Variants in ZAN observed in about 807,000 individuals in gnomAD.
ZAN encodes the protein zonadhesin.
In ZAN, 260 loss-of-function variants were observed where a neutral mutation model predicts 286.2. That is an observed-to-expected ratio of 0.91 (90% CI 0.82 to 1.01). The LOEUF is 1.01. Among genes scored for constraint, ZAN ranks in the 50% least tolerant of loss-of-function variants. The pLI is 0.00. For missense variants in ZAN, 3,410 were observed against 3,639.2 expected (o/e 0.94, Z 1.62); for synonymous variants, 1,368 against 1,417.5 (o/e 0.97, Z 0.79).
At chr7:100,758,459 T>G (rs1584579513) in intron 16 of ZAN, 72 bp from the exon 17 acceptor site, 1 of 1,553,650 alleles carries the variant, frequency 6.4e-7, no homozygotes, top group Non-Finnish European at 8.7e-7. Flanking sequence ...GGGCAGCGGG[T>G]GGGCCAGCAT....
chr7:100,749,778 C>T (rs1161328761), intron 11 of ZAN, among the ~76,000 whole-genome samples: 1 of 148,672 alleles, frequency 6.7e-6, no homozygotes. Context: ...GGGTGGGGTG[C>T]AGTGGCTCAC....
intron 40 of ZAN, 91 bp from the exon 41 acceptor site, chr7:100,791,875 C>T: frequency 2.1e-6 from 3 of 1,435,064 alleles, no homozygotes; most frequent in Non-Finnish European, 2.8e-6. Context: ...CTCCAGGCAG[C>T]CACCACCATG....
At chr7:100,774,798 A>T (rs1260260813) in intron 31 of ZAN, among the ~76,000 whole-genome samples, 4 of 151,630 alleles carry the variant, frequency 2.6e-5, no homozygotes, top group Non-Finnish European at 2.9e-5. Flanking sequence ...ATTGCATTCC[A>T]GCCTGGGTGA....
intron 11 of ZAN, among the ~76,000 whole-genome samples, chr7:100,750,352 G>A (rs1279107744): frequency 6.6e-6 from 1 of 152,040 alleles, no homozygotes; most frequent in Admixed American, 6.5e-5. Flanking sequence ...GGCCAGGATG[G>A]CCTTGATCTC....
At position 100,784,617 on chromosome 7, in the gene ZAN, C is replaced by T; in HGVS notation, c.6623-6C>T. ...TCCACTGACCCACTGTCTCCTTCAC[C>T]CACAGCTCTGGAATGCCCTGCCTAC... On this transcript the variant is annotated splice_polypyrimidine_tract_variant and splice_region_variant and intron_variant, in intron 35 of 47. Coordinates refer to ENST00000613979, the MANE Select transcript of ZAN (RefSeq NM_003386.3). 1 of 1,613,344 alleles carries T rather than the reference C, an allele frequency of 6.2e-7. No individual in the cohort carries two copies.
intron 19 of ZAN, among the ~76,000 whole-genome samples, chr7:100,761,173 G>C (rs1809547801): frequency 6.6e-6 from 1 of 152,074 alleles, no homozygotes; most frequent in Admixed American, 6.6e-5. Context: ...GAATTACAGG[G>C]GAGCCACTGT....
intron 24 of ZAN, 107 bp from the exon 25 acceptor site, chr7:100,766,903 G>A (rs1458820711): frequency 6.5e-7 from 1 of 1,539,876 alleles, no homozygotes; most frequent in African/African-American, 1.4e-5. Context: ...ATCTGTGGGT[G>A]GGCCGTGGGG....
At chr7:100,766,387 C>T in intron 23 of ZAN, 138 bp from the exon 24 acceptor site, 1 of 1,112,922 alleles carries the variant, frequency 9.0e-7, no homozygotes, top group East Asian at 2.7e-5. Flanking sequence ...AATCTCGGAG[C>T]TTCAGGAAGA....
At chr7:100,760,362 C>T (rs1286117692) in intron 18 of ZAN, 29 bp from the exon 19 acceptor site, 1 of 1,609,276 alleles carries the variant, frequency 6.2e-7, no homozygotes, top group Admixed American at 1.7e-5. Context: ...CCAGCTCTGT[C>T]TGTCTCTTGC....
At position 100,764,079 on chromosome 7, in the gene ZAN, G is replaced by A. The variant is rs867837673; in HGVS notation, c.4150G>A (p.Asp1384Asn). 1 of 1,613,790 alleles carries A rather than the reference G, an allele frequency of 6.2e-7. No homozygotes were observed. Among genetic ancestry groups the A allele is most frequent in the South Asian group, 1.1e-5 (1 of 91,070 alleles). Residue 1384 changes from aspartate to asparagine, a missense_variant, in exon 22 of 48, where the codon GAT becomes AAT. Coordinates refer to ENST00000613979, the MANE Select transcript of ZAN (RefSeq NM_003386.3). ...TTCCTTCTTCGACAGCTGCATGCTT[G>A]ATATGTGCGGATTCCAGGGGCTGCA... ...AASFFDSCMLDMCGFQGLQHL... is the reference protein window; with the variant it reads ...AASFFDSCMLNMCGFQGLQHL...
rs1267687591 is a variant in ZAN at position 100,786,080 on chromosome 7, C to T, written c.6918C>T (p.Cys2306=). 1 of 1,614,024 alleles carries T rather than the reference C, an allele frequency of 6.2e-7. No homozygotes were observed. The highest frequency in any genetic ancestry group is 8.5e-7 in the Non-Finnish European group (1 of 1,179,896). ...GGAIQCGDFR[C]PSGSHCQLTS... ...CCATTCAGTGCGGGGACTTCCGATG[C>T]CCCTCTGGGTCCCACTGCCAGCTCA... Residue 2306 remains cysteine (C), a synonymous_variant, in exon 37 of 48, where the codon TGC becomes TGT. Coordinates refer to ENST00000613979, the MANE Select transcript of ZAN (RefSeq NM_003386.3).
intron 3 of ZAN, among the ~76,000 whole-genome samples, chr7:100,735,992 C>T (rs762656198): frequency 2.1e-5 from 3 of 141,114 alleles, no homozygotes; most frequent in African/African-American, 5.2e-5. Flanking sequence ...CTCCCAGCCC[C>T]GAATTTCTCC....
chr7:100,756,045 A>G (rs141383692), intron 15 of ZAN, among the ~76,000 whole-genome samples: 35 of 151,998 alleles, frequency 2.3e-4, no homozygotes, highest in African/African-American at 7.2e-4. Flanking sequence ...TCACGCCACC[A>G]CCCTGGCTAA....
At chr7:100,789,093 G>A (rs1364984613) in intron 38 of ZAN, 125 bp from the exon 39 acceptor site, 3 of 1,340,020 alleles carry the variant, frequency 2.2e-6, no homozygotes, top group East Asian at 2.6e-5. Flanking sequence ...GCCCATTGGG[G>A]TATCTTATTC....
At chr7:100,779,126 C>T (rs1212264211) in intron 34 of ZAN, among the ~76,000 whole-genome samples, 1 of 151,630 alleles carries the variant, frequency 6.6e-6, no homozygotes, top group South Asian at 2.1e-4. Context: ...TCGCTTGAAC[C>T]CGGGAGGCGG....
chr7:100,744,491 G>A (rs559757679), intron 7 of ZAN, among the ~76,000 whole-genome samples: 13 of 151,158 alleles, frequency 8.6e-5, no homozygotes, highest in African/African-American at 3.2e-4. Context: ...CCCAACACTC[G>A]GGAGGCTGAG....
At chr7:100,779,850 T>G in intron 35 of ZAN, 100 bp downstream of exon 35, 1 of 1,272,204 alleles carries the variant, frequency 7.9e-7, no homozygotes, top group Non-Finnish European at 1.1e-6. Context: ...CGTTCCTGAC[T>G]AACTCAGCCC....
rs984979903 is a variant in ZAN, at chr7:100,751,216, C to A, written c.1556C>A (p.Ala519Asp). ...IFKGIQGSNT[A>D]SVVAMGFILI... The stretch of plus-strand genomic sequence containing the variant: ...AAGGGCATCCAGGGAAGCAACACGG[C>A]CTCTGTGGTTGCTATGGGTTTCATC... The change falls in exon 13 of 48, where the codon GCC becomes GAC. Residue 519 changes from alanine (A) to aspartate (D), a missense_variant. By Grantham distance (126) the Ala-to-Asp change is moderately radical. Coordinates refer to ENST00000613979, the MANE Select transcript of ZAN (RefSeq NM_003386.3). 1 of 1,610,092 alleles carries A rather than the reference C, an allele frequency of 6.2e-7. No individual in the cohort carries two copies. The highest frequency in any genetic ancestry group is 8.5e-7 in the Non-Finnish European group (1 of 1,178,338).
intron 7 of ZAN, among the ~76,000 whole-genome samples, chr7:100,742,865 G>A (rs1427977074): frequency 5.7e-5 from 3 of 52,498 alleles, no homozygotes; most frequent in South Asian, 8.3e-4. Context: ...AGACGGAGAC[G>A]GAGACGAGGG....
Sources: gnomAD v4.1 joint callset for allele counts (sites outside exome capture counted in the v4.1 genomes callset) on GRCh38, gnomAD v4.1.1 for gene constraint, MANE v1.5 for transcripts, NCBI Gene and HGNC (gene_info 2026-07-23, HGNC 2026-07-21) for gene names.